ARB2A: variants seen among roughly 807,000 people sequenced by gnomAD.
ARB2A encodes cotranscriptional regulator ARB2A.
At chr5:93,683,829 T>A in the ARB2A span, among the ~76,000 whole-genome samples, 1 of 152,092 alleles carries the variant, frequency 6.6e-6, no homozygotes, top group Non-Finnish European at 1.5e-5. Context: ...GTTTTTTTTT[T>A]AAAGATATAT....
chr5:94,065,242 AGTGGCTCAC>A, the ARB2A span, among the ~76,000 whole-genome samples: 1 of 152,220 alleles, frequency 6.6e-6, no homozygotes, highest in Non-Finnish European at 1.5e-5. Context: ...GACTGGGCAC[AGTGGCTCAC>A]GCCTGTAATC....
chr5:94,016,439 T>A, the ARB2A span, among the ~76,000 whole-genome samples: 1 of 152,328 alleles, frequency 6.6e-6, no homozygotes, highest in Admixed American at 6.5e-5. Context: ...CACAAATGGA[T>A]ATAAATAATG....
the ARB2A span, among the ~76,000 whole-genome samples, chr5:93,834,408 A>G: frequency 1.3e-5 from 2 of 152,206 alleles, no homozygotes; most frequent in Non-Finnish European, 2.9e-5. Flanking sequence ...GTGACACACA[A>G]TTAAATAGTT....
At chr5:93,806,016 T>C in the ARB2A span, 1 of 860,278 alleles carries the variant, frequency 1.2e-6, no homozygotes, top group African/African-American at 1.8e-5. Flanking sequence ...AAGATATATA[T>C]TCAGTCATTC....
chr5:93,646,268 G>C, the ARB2A span, among the ~76,000 whole-genome samples: 1 of 152,068 alleles, frequency 6.6e-6, no homozygotes, highest in Admixed American at 6.5e-5. Context: ...TATAGCCATA[G>C]TCGCTCTTGT....
At chr5:94,004,579 C>CT in the ARB2A span, among the ~76,000 whole-genome samples, 13 of 147,506 alleles carry the variant, frequency 8.8e-5, no homozygotes, top group African/African-American at 3.2e-4. Context: ...GAGACTCCAT[C>CT]TCAAAAAAAA....
At chr5:94,006,525 A>C in the ARB2A span, among the ~76,000 whole-genome samples, 1 of 152,194 alleles carries the variant, frequency 6.6e-6, no homozygotes. Flanking sequence ...AGCACTGGGG[A>C]AACAGGATAA....
At chr5:93,627,143 C>G in the ARB2A span, among the ~76,000 whole-genome samples, 1 of 152,204 alleles carries the variant, frequency 6.6e-6, no homozygotes, top group African/African-American at 2.4e-5. Context: ...TGCAGCAATT[C>G]AGCCACATCT....
At chr5:93,817,969 T>C in the ARB2A span, among the ~76,000 whole-genome samples, 23 of 152,080 alleles carry the variant, frequency 1.5e-4, no homozygotes, top group African/African-American at 5.5e-4. Flanking sequence ...TGTACCAATA[T>C]ATAAAGACCT....
At chr5:93,828,066 C>T in the ARB2A span, among the ~76,000 whole-genome samples, 16 of 152,056 alleles carry the variant, frequency 1.1e-4, no homozygotes, top group Admixed American at 3.9e-4. Flanking sequence ...ATTGACTTGG[C>T]GATGTGGGCT....
At chr5:93,946,665 G>C in the ARB2A span, among the ~76,000 whole-genome samples, 4 of 152,080 alleles carry the variant, frequency 2.6e-5, no homozygotes, top group Admixed American at 2.6e-4. Context: ...AAAATGTATT[G>C]AAAATGATTA....
the ARB2A span, among the ~76,000 whole-genome samples, chr5:93,850,859 G>A: frequency 6.6e-6 from 1 of 151,962 alleles, no homozygotes; most frequent in Non-Finnish European, 1.5e-5. Context: ...CAACTGTACT[G>A]TGGTATGAAA....
chr5:93,676,194 C>A, the ARB2A span, among the ~76,000 whole-genome samples: 3 of 151,920 alleles, frequency 2.0e-5, no homozygotes, highest in East Asian at 5.8e-4. Flanking sequence ...CATTTGGAAT[C>A]AATTTCTTTC....
At chr5:93,753,500 C>A in the ARB2A span, among the ~76,000 whole-genome samples, 4 of 152,120 alleles carry the variant, frequency 2.6e-5, no homozygotes, top group African/African-American at 9.7e-5. Flanking sequence ...GATGAGAAAA[C>A]GGGGCTTAGT....
the ARB2A span, among the ~76,000 whole-genome samples, chr5:94,022,038 T>A: frequency 3.3e-5 from 5 of 152,206 alleles, no homozygotes; most frequent in East Asian, 9.7e-4. Flanking sequence ...GCCACTGTAC[T>A]CCAGCCTGGA....
the ARB2A span, among the ~76,000 whole-genome samples, chr5:93,931,192 G>A: frequency 2.0e-5 from 3 of 152,238 alleles, no homozygotes; most frequent in East Asian, 1.9e-4. Context: ...CCCACCGGGC[G>A]CAGTGACTCA....
chr5:93,953,679 G>A, the ARB2A span, among the ~76,000 whole-genome samples: 18 of 152,010 alleles, frequency 1.2e-4, no homozygotes, highest in Admixed American at 1.2e-3. Flanking sequence ...AAGGTACTAC[G>A]GTTCTACAAC....
the ARB2A span, among the ~76,000 whole-genome samples, chr5:93,846,957 C>A: frequency 6.6e-6 from 1 of 152,164 alleles, no homozygotes; most frequent in African/African-American, 2.4e-5. Flanking sequence ...ATTGTTTGAT[C>A]GCATTTTACC....
chr5:94,036,677 C>T, the ARB2A span, among the ~76,000 whole-genome samples: 12 of 152,180 alleles, frequency 7.9e-5, no homozygotes, highest in Admixed American at 7.8e-4. Flanking sequence ...TTGTTTTGTT[C>T]TGTTTCTGTT....
Sources: gnomAD v4.1 joint callset for allele counts (sites outside exome capture counted in the v4.1 genomes callset) on GRCh38, gnomAD v4.1.1 for gene constraint, MANE v1.5 for transcripts, NCBI Gene and HGNC (gene_info 2026-07-23, HGNC 2026-07-21) for gene names.